The following ATXN1 variants were observed in gnomAD, a reference collection of about 807,000 sequenced individuals.
The protein encoded by ATXN1 is ataxin-1.
Under a neutral mutation model 56.4 loss-of-function variants are expected in ATXN1, and 8 were observed. The observed-to-expected ratio is 0.14, with a 90% CI of 0.08 to 0.26. The LOEUF (loss-of-function observed/expected upper bound fraction) is 0.26, where lower values mean the gene tolerates loss of function less well. ATXN1 is among the 10% of genes least tolerant of loss of function. ATXN1 has a pLI of 1.00. For synonymous variants in ATXN1, 514 were observed against 494.6 expected (o/e 1.04, Z -0.52); for missense variants, 987 against 1,106.5 (o/e 0.89, Z 1.53).
intron 2 of ATXN1, among the ~76,000 whole-genome samples, chr6:16,712,012 A>T (rs1317706055): frequency 6.6e-6 from 1 of 152,200 alleles, no homozygotes; most frequent in Non-Finnish European, 1.5e-5. Context: ...GAACAAACAA[A>T]ATTCAATTAC....
chr6:16,577,660 G>T (rs1762449328), intron 4 of ATXN1, among the ~76,000 whole-genome samples: 1 of 151,988 alleles, frequency 6.6e-6, no homozygotes, highest in Non-Finnish European at 1.5e-5. Flanking sequence ...CCAGAAAAAT[G>T]AGAAGCAGAA....
At chr6:16,375,788 T>G (rs1762130839) in intron 6 of ATXN1, among the ~76,000 whole-genome samples, 1 of 152,266 alleles carries the variant, frequency 6.6e-6, no homozygotes, top group Non-Finnish European at 1.5e-5. Context: ...CCAAGCTATT[T>G]GCTTTGGAAA....
chr6:16,549,941 C>T (rs1761887120), intron 4 of ATXN1, among the ~76,000 whole-genome samples: 2 of 140,970 alleles, frequency 1.4e-5, no homozygotes, highest in Non-Finnish European at 3.1e-5. Context: ...CATTCTCACT[C>T]ATAAGTGGGA....
chr6:16,445,455 T>C (rs1759613146), intron 6 of ATXN1, among the ~76,000 whole-genome samples: 1 of 151,988 alleles, frequency 6.6e-6, no homozygotes, highest in Non-Finnish European at 1.5e-5. Flanking sequence ...AATGGGGTGG[T>C]GGGGCAAAAG....
intron 6 of ATXN1, among the ~76,000 whole-genome samples, chr6:16,331,700 C>T (rs1200187875): frequency 2.0e-5 from 3 of 152,144 alleles, no homozygotes; most frequent in Admixed American, 2.0e-4. Flanking sequence ...CCTTTCAAAG[C>T]CAAGTAAAAT....
intron 3 of ATXN1, among the ~76,000 whole-genome samples, chr6:16,589,070 G>C (rs1334159574): frequency 1.3e-5 from 2 of 151,794 alleles, no homozygotes; most frequent in Non-Finnish European, 2.9e-5. Flanking sequence ...TCTCTCTTCT[G>C]TTCCCCCCAC....
At chr6:16,331,767 A>G (rs1349886148) in intron 6 of ATXN1, among the ~76,000 whole-genome samples, 1 of 152,230 alleles carries the variant, frequency 6.6e-6, no homozygotes, top group Non-Finnish European at 1.5e-5. Flanking sequence ...TGCCTGTACA[A>G]TTGAATGCAC....
At position 16,390,058 on chromosome 6, in the gene ATXN1, A is replaced by T. The variant is rs553902324; in HGVS notation, c.-160-61588T>A. On this transcript the variant is annotated intron_variant, in intron 6 of 7. Transcript: ENST00000436367. ...CTTATTTTAAATATAAGGATAGTGA[A>T]GCTTGTTCAAGGTGACATAAAAAGT... is the stretch of plus-strand genomic sequence containing the variant. 2.3e-4 allele frequency among the ~76,000 whole-genome samples: 35 copies of T among 152,302 alleles called. 1 individual carries two copies. Among genetic ancestry groups the T allele is most frequent in the Middle Eastern group, 6.8e-3 (2 of 294 alleles).
intron 3 of ATXN1, among the ~76,000 whole-genome samples, chr6:16,596,111 C>T (rs955078032): frequency 5.3e-5 from 8 of 152,224 alleles, no homozygotes; most frequent in Non-Finnish European, 1.2e-4. Flanking sequence ...ATCCTCCTGC[C>T]TCAGCCTCCA....
At chr6:16,650,038 T>A (rs947319561) in intron 3 of ATXN1, among the ~76,000 whole-genome samples, 2 of 151,920 alleles carry the variant, frequency 1.3e-5, no homozygotes, top group Non-Finnish European at 2.9e-5. Flanking sequence ...GCTCAAGAAA[T>A]CCTCTTCCCT....
intron 3 of ATXN1, among the ~76,000 whole-genome samples, chr6:16,614,805 C>T (rs997627811): frequency 6.6e-6 from 1 of 151,568 alleles, no homozygotes; most frequent in Non-Finnish European, 1.5e-5. Context: ...TGCCTGTAAT[C>T]CCAGATACTT....
intron 6 of ATXN1, among the ~76,000 whole-genome samples, chr6:16,404,896 C>A (rs1758655166): frequency 6.6e-6 from 1 of 152,200 alleles, no homozygotes; most frequent in South Asian, 2.1e-4. Context: ...CACGTCTCCA[C>A]TCACCTGTTT....
chr6:16,461,490 C>T (rs566209765), intron 6 of ATXN1, among the ~76,000 whole-genome samples: 2 of 152,296 alleles, frequency 1.3e-5, no homozygotes, highest in African/African-American at 4.8e-5. Flanking sequence ...CATCGTAAGG[C>T]CCCTTTTGGG....
intron 4 of ATXN1, among the ~76,000 whole-genome samples, chr6:16,566,679 C>G (rs914888930): frequency 1.3e-5 from 2 of 151,980 alleles, no homozygotes; most frequent in East Asian, 1.9e-4. Context: ...CTGTGAAACC[C>G]CGTCTCTACT....
At chr6:16,606,867 T>TTTGTGTGTGTGTGTGTGTGTG (rs1554119512) in intron 3 of ATXN1, among the ~76,000 whole-genome samples, 6 of 126,712 alleles carry the variant, frequency 4.7e-5, no homozygotes, top group Non-Finnish European at 6.6e-5. Context: ...GTTCCATGAG[T>TTTGTGTGTGTGTGTGTGTGTG]TGTGTGTGTG....
intron 3 of ATXN1, among the ~76,000 whole-genome samples, chr6:16,603,860 C>T (rs1762954562): frequency 6.6e-6 from 1 of 152,000 alleles, no homozygotes; most frequent in Admixed American, 6.6e-5. Flanking sequence ...AGAAGATTGA[C>T]GAAGGCATTG....
At chr6:16,747,597 A>T (rs1760576193) in intron 2 of ATXN1, among the ~76,000 whole-genome samples, 1 of 152,092 alleles carries the variant, frequency 6.6e-6, no homozygotes, top group Admixed American at 6.6e-5. Flanking sequence ...ACGAATAGTA[A>T]ATCTTGCATC....
At chr6:16,373,511 A>G (rs754318001) in intron 6 of ATXN1, among the ~76,000 whole-genome samples, 2 of 152,190 alleles carry the variant, frequency 1.3e-5, no homozygotes, top group Non-Finnish European at 1.5e-5. Context: ...AGGTTAGGGC[A>G]TGATATAGTT....
chr6:16,371,716 A>ATTTATTTTTATTTTTATT (rs199939933), intron 6 of ATXN1, among the ~76,000 whole-genome samples: 3 of 151,244 alleles, frequency 2.0e-5, no homozygotes, highest in Non-Finnish European at 4.4e-5. Flanking sequence ...ATGCCTGGTT[A>ATTTATTTTTATTTTTATT]TTTATTTTTA....
Sources: gnomAD v4.1 joint callset for allele counts (sites outside exome capture counted in the v4.1 genomes callset) on GRCh38, gnomAD v4.1.1 for gene constraint, MANE v1.5 for transcripts, NCBI Gene and HGNC (gene_info 2026-07-23, HGNC 2026-07-21) for gene names.